KANK1: variants seen among roughly 807,000 people sequenced by gnomAD.
KANK1 encodes the protein KN motif and ankyrin repeat domains 1, also known as KN motif and ankyrin repeat domain-containing protein 1.
KANK1 carries 109 observed loss-of-function variants against 106.2 expected under a neutral mutation model. That is an observed-to-expected ratio of 1.03 (90% CI 0.88 to 1.20). The LOEUF (loss-of-function observed/expected upper bound fraction) is 1.20. KANK1 is among the 50% of genes most tolerant of loss of function. The pLI is 0.00. For synonymous variants in KANK1, 873 were observed against 652.2 expected, an observed-to-expected ratio of 1.34 and a Z score of -5.16; for missense variants, 2,399 against 1,710.7, an observed-to-expected ratio of 1.40 and a Z score of -7.10.
intron 1 of KANK1, among the ~76,000 whole-genome samples, chr9:603,450 A>G (rs1828282581): frequency 6.6e-6 from 1 of 151,830 alleles, no homozygotes; most frequent in African/African-American, 2.4e-5. Flanking sequence ...TCTTCCATCT[A>G]ATGTAAAGGT....
At chr9:496,214 T>C (rs183190991) in intron 3 of KANK1, among the ~76,000 whole-genome samples, 73 of 152,346 alleles carry the variant, frequency 4.8e-4, no homozygotes, top group African/African-American at 1.7e-3. Flanking sequence ...TTAACTACAG[T>C]GCCAAGCATG....
rs1825924494 is a variant in KANK1, at chr9:711,081, C to G, written c.315C>G (p.Asn105Lys). The change falls in exon 3 of 12, where the codon AAC becomes AAG. Residue 105 changes from asparagine to lysine, a missense_variant. Transcript: ENST00000382297. The stretch of plus-strand genomic sequence containing the variant: ...GTGATGACAACAAGCAGTGCCCCAA[C>G]TTCCTCATAGCCAGAAGTCAAGTTA... Reference protein sequence around the residue: ...SNSDDNKQCPNFLIARSQVTS... With the variant: ...SNSDDNKQCPKFLIARSQVTS... The G allele has an allele frequency of 1.9e-6, 3 of 1,614,210 alleles. No homozygotes were observed. Among genetic ancestry groups the G allele is most frequent in the African/African-American group, 1.3e-5 (1 of 75,056 alleles).
upstream of KANK1, among the ~76,000 whole-genome samples, chr9:501,642 C>A (rs1209572639): frequency 2.2e-5 from 3 of 137,412 alleles, no homozygotes; most frequent in Non-Finnish European, 4.6e-5. Context: ...ACACACACAC[C>A]CCAATTGCTT....
chr9:485,852 CAGAGTG>C (rs1308279072), intron 3 of KANK1, among the ~76,000 whole-genome samples: 1 of 132,716 alleles, frequency 7.5e-6, no homozygotes, highest in Non-Finnish European at 1.6e-5. Context: ...GCCTGGGTGA[CAGAGTG>C]AGAATTGTCT....
intron 1 of KANK1, among the ~76,000 whole-genome samples, chr9:637,541 A>C (rs80082736): frequency 0.047 from 7,162 of 152,278 alleles, 179 homozygotes; most frequent in Non-Finnish European, 0.058. Flanking sequence ...AGGGATATCT[A>C]AGTCACCAAG....
chr9:515,963 T>C (rs1331433987), intron 1 of KANK1, among the ~76,000 whole-genome samples: 1 of 151,842 alleles, frequency 6.6e-6, no homozygotes, highest in Non-Finnish European at 1.5e-5. Flanking sequence ...TGGGCACCTA[T>C]TTTATCCTCT....
At chr9:680,282 C>G (rs1295880135) in intron 2 of KANK1, among the ~76,000 whole-genome samples, 1 of 152,076 alleles carries the variant, frequency 6.6e-6, no homozygotes, top group Non-Finnish European at 1.5e-5. Flanking sequence ...GCCCTTGGCA[C>G]AAAATACATC....
At chr9:561,910 G>T (rs899427775) in intron 1 of KANK1, among the ~76,000 whole-genome samples, 1 of 152,212 alleles carries the variant, frequency 6.6e-6, no homozygotes, top group Non-Finnish European at 1.5e-5. Flanking sequence ...AAGGAAGAGA[G>T]GCTCATGGCA....
Position 494,128 on chromosome 9 carries a change from G to A in KANK1, c.-362+20855G>A, listed in dbSNP as rs61090609. Among the ~76,000 whole-genome samples, 1,460 of 149,384 alleles carry A rather than the reference G, an allele frequency of 9.8e-3. 29 individuals carry two copies. Among genetic ancestry groups the A allele is most frequent in the African/African-American group, 0.034 (1,396 of 40,544 alleles). ...GAACTCCTGACCTCGTGATCCGCCTGCCTTGACCTCCCAAAGTGCTGGGAT... is the reference window on the plus strand; with the variant it reads ...GAACTCCTGACCTCGTGATCCGCCTACCTTGACCTCCCAAAGTGCTGGGAT... On this transcript the variant is annotated intron_variant, in intron 3 of 15. Transcript: ENST00000382303.
Position 742,245 on chromosome 9 carries a change from G to A in KANK1, c.3737G>A (p.Arg1246Gln), listed in dbSNP as rs1048354269. 18 of 1,614,170 alleles carry A rather than the reference G, an allele frequency of 1.1e-5. No individual in the cohort carries two copies. The highest frequency in any genetic ancestry group is 6.6e-5 in the South Asian group (6 of 91,082). The change falls in exon 10 of 12, where the codon CGG becomes CAG. Residue 1246 changes from arginine to glutamine, a missense_variant. Physicochemically the swap from Arg to Gln is conservative, Grantham distance 43. Transcript: ENST00000382297. ...CTCATGCTGGCGGTCAGTCACGGAC[G>A]GATAGACATGGTGAAGGGCCTTCTG... ...TALMLAVSHGRIDMVKGLLAC... is the reference protein window; with the variant it reads ...TALMLAVSHGQIDMVKGLLAC...
chr9:560,441 C>G (rs924785118), intron 1 of KANK1, among the ~76,000 whole-genome samples: 8 of 152,040 alleles, frequency 5.3e-5, no homozygotes, highest in Non-Finnish European at 1.0e-4. Context: ...AAAGTTTATA[C>G]TTTATTTTGG....
At chr9:698,949 T>A (rs1464807226) in intron 2 of KANK1, among the ~76,000 whole-genome samples, 1 of 152,182 alleles carries the variant, frequency 6.6e-6, no homozygotes, top group Non-Finnish European at 1.5e-5. Context: ...AAAAACTTGA[T>A]CCCCAGGGTC....
chr9:549,625 A>G (rs760754915), intron 1 of KANK1: 2 of 152,150 alleles, frequency 1.3e-5, no homozygotes, highest in Non-Finnish European at 2.9e-5. Flanking sequence ...TCCACCGGCA[A>G]TAGCTGTATT....
rs1241970729 is a variant in KANK1, at chr9:745,501, CAG to C, written c.*267_*268del. 1 of 327,308 alleles carries C rather than the reference CAG, an allele frequency of 3.1e-6. No homozygotes were observed. The highest frequency in any genetic ancestry group is 5.0e-5 in the Admixed American group (1 of 20,020). The allele number at this position is 327,308 out of a possible 1,614,324, so 20.3% of individuals were successfully genotyped here. Reference sequence around the variant, plus strand: ...GTCTCTGCTCCGTTTTGTACAGTCACAGGGAATTCTGATCTGAAGGGGCACCT... The same window carrying C: ...GTCTCTGCTCCGTTTTGTACAGTCACGGAATTCTGATCTGAAGGGGCACCT... On this transcript the variant is annotated 3_prime_UTR_variant, in exon 12 of 12. Transcript: ENST00000382297.
intron 1 of KANK1, among the ~76,000 whole-genome samples, chr9:662,064 C>G (rs1028732335): frequency 1.3e-5 from 2 of 152,086 alleles, no homozygotes; most frequent in East Asian, 3.8e-4. Flanking sequence ...GATGAGTGAA[C>G]TCCCATTCAC....
chr9:501,416 A>T (rs777453014), upstream of KANK1, among the ~76,000 whole-genome samples: 1 of 151,076 alleles, frequency 6.6e-6, no homozygotes, highest in Non-Finnish European at 1.5e-5. Flanking sequence ...AAACTTTATA[A>T]AAAAAAAATA....
chr9:585,850 G>A (rs917581641), intron 1 of KANK1, among the ~76,000 whole-genome samples: 8 of 152,140 alleles, frequency 5.3e-5, no homozygotes, highest in Admixed American at 3.3e-4. Context: ...AATAGAAGAC[G>A]TTTATTGGAA....
intron 1 of KANK1, among the ~76,000 whole-genome samples, chr9:615,281 G>T (rs1831533311): frequency 6.6e-6 from 1 of 152,084 alleles, no homozygotes; most frequent in Non-Finnish European, 1.5e-5. Flanking sequence ...ATATTTTATT[G>T]CATTTTATTT....
intron 1 of KANK1, among the ~76,000 whole-genome samples, chr9:656,379 G>T (rs2137821171): frequency 6.6e-6 from 1 of 152,266 alleles, no homozygotes; most frequent in East Asian, 1.9e-4. Flanking sequence ...AGAAGTGGTT[G>T]ATATTTGAAT....
Sources: gnomAD v4.1 joint callset for allele counts (sites outside exome capture counted in the v4.1 genomes callset) on GRCh38, gnomAD v4.1.1 for gene constraint, MANE v1.5 for transcripts, NCBI Gene and HGNC (gene_info 2026-07-23, HGNC 2026-07-21) for gene names.